The following PPP1R12B variants were observed in gnomAD, a reference collection of about 807,000 sequenced individuals.
PPP1R12B encodes myosin phosphatase target subunit 2.
PPP1R12B carries 76 observed loss-of-function variants against 126.1 expected under a neutral mutation model. That is an observed-to-expected ratio of 0.60 (90% CI 0.50 to 0.73). The LOEUF is 0.73. PPP1R12B is among the 30% of genes least tolerant of loss of function. The pLI is 0.00. For synonymous variants in PPP1R12B, 356 were observed against 434.7 expected (o/e 0.82, Z 2.25); for missense variants, 1,052 against 1,205.1 (o/e 0.87, Z 1.88).
rs1023047157 is a variant in PPP1R12B at position 202,586,999 on chromosome 1, A to G, written c.*6439A>G. 5.3e-5 allele frequency: 8 copies of G among 152,140 alleles called. No homozygotes were observed. Among genetic ancestry groups the G allele is most frequent in the Non-Finnish European group, 8.8e-5 (6 of 68,020 alleles). 9.4% of individuals were successfully genotyped at this position (152,140 alleles called of 1,614,324 possible). On this transcript the variant is annotated 3_prime_UTR_variant, in exon 24 of 24. Coordinates refer to ENST00000608999, the MANE Select transcript of PPP1R12B (RefSeq NM_002481.4). ...AAACCAATTTTATTTATTAAATCAT[A>G]TCTTTTGTTTTTCCCCCTCCCTTCT... is the stretch of plus-strand genomic sequence containing the variant.
At chr1:202,364,285 C>A (rs574932037) in intron 1 of PPP1R12B, among the ~76,000 whole-genome samples, 20 of 152,124 alleles carry the variant, frequency 1.3e-4, no homozygotes, top group African/African-American at 4.8e-4. Context: ...AGGATGATAC[C>A]TTATAGTTGT....
intron 10 of PPP1R12B, among the ~76,000 whole-genome samples, chr1:202,440,346 A>T (rs964433023): frequency 1.3e-5 from 2 of 152,204 alleles, no homozygotes; most frequent in African/African-American, 4.8e-5. Flanking sequence ...ACTATTGGGG[A>T]CTACATAAAT....
At chr1:202,366,492 T>C (rs1571611857) in intron 1 of PPP1R12B, among the ~76,000 whole-genome samples, 1 of 120,794 alleles carries the variant, frequency 8.3e-6, no homozygotes, top group South Asian at 2.6e-4. Flanking sequence ...CACTCCAGCC[T>C]GGGAGACAGA....
intron 1 of PPP1R12B, among the ~76,000 whole-genome samples, chr1:202,368,608 C>T (rs776158951): frequency 6.6e-6 from 1 of 151,976 alleles, no homozygotes; most frequent in Non-Finnish European, 1.5e-5. Context: ...CCCAGGCTAC[C>T]ACTGTTATAA....
At chr1:202,428,483 A>G (rs1669831544) in intron 5 of PPP1R12B, 1 of 181,820 alleles carries the variant, frequency 5.5e-6, no homozygotes, top group Non-Finnish European at 1.1e-5. Flanking sequence ...TTTATTAAAC[A>G]TGTGCCCTGA....
chr1:202,380,602 C>A (rs1024424459), intron 1 of PPP1R12B, among the ~76,000 whole-genome samples: 1 of 152,148 alleles, frequency 6.6e-6, no homozygotes, highest in Admixed American at 6.5e-5. Context: ...TCTCAACACC[C>A]CCCCCATTCC....
chr1:202,356,022 C>CA lies in PPP1R12B; in HGVS notation c.291+6889dup, dbSNP rs200226674. ...CTATCTCTCCAACCCCCTCCCCACC[C>CA]AAAAAAAAATTAGCCAGGTATGGTG... On this transcript the variant is annotated intron_variant, in intron 1 of 23. Coordinates refer to ENST00000608999, the MANE Select transcript of PPP1R12B (RefSeq NM_002481.4). Among the ~76,000 whole-genome samples, 36 of 150,252 alleles carry CA rather than the reference C, an allele frequency of 2.4e-4. No homozygotes were observed. The East Asian group carries it at 3.5e-3, about 15-fold the overall frequency.
chr1:202,467,189 T>C (rs1420257130), intron 13 of PPP1R12B, among the ~76,000 whole-genome samples: 2 of 152,038 alleles, frequency 1.3e-5, no homozygotes, highest in Non-Finnish European at 2.9e-5. Flanking sequence ...CAAGCAATGC[T>C]GTCCTCCCTT....
intron 1 of PPP1R12B, among the ~76,000 whole-genome samples, chr1:202,373,338 A>T (rs1225091530): frequency 6.6e-6 from 1 of 152,166 alleles, no homozygotes; most frequent in East Asian, 1.9e-4. Context: ...TCAGAGAAAA[A>T]TTTGAGAATT....
intron 1 of PPP1R12B, among the ~76,000 whole-genome samples, chr1:202,358,777 G>T: frequency 6.6e-6 from 1 of 152,012 alleles, no homozygotes; most frequent in East Asian, 1.9e-4. Context: ...TATAGTTATG[G>T]AATAGGTTTA....
At chr1:202,378,633 C>T (rs1423944387) in intron 1 of PPP1R12B, among the ~76,000 whole-genome samples, 13 of 152,182 alleles carry the variant, frequency 8.5e-5, no homozygotes, top group African/African-American at 2.9e-4. Flanking sequence ...GCATGTGCCA[C>T]CACGCCCGGC....
chr1:202,436,622 C>T (rs1397486332), intron 9 of PPP1R12B, among the ~76,000 whole-genome samples: 1 of 152,128 alleles, frequency 6.6e-6, no homozygotes, highest in East Asian at 1.9e-4. Context: ...CAAACTGGTC[C>T]TTGGCCTAAT....
rs900646908 is a variant in PPP1R12B, at chr1:202,588,410, T to C, written c.*7850T>C. ...ATTTTTATGCAATTTTGAGTGGCCT[T>C]TCAACCCTAAGATGAATGGTTTTGT... On this transcript the variant is annotated 3_prime_UTR_variant, in exon 24 of 24. Transcript: ENST00000608999. 3.9e-5 allele frequency: 6 copies of C among 152,678 alleles called. No individual in the cohort carries two copies. Among genetic ancestry groups the C allele is most frequent in the African/African-American group, 1.4e-4 (6 of 41,454 alleles). 9.5% of individuals were successfully genotyped at this position (152,678 alleles called of 1,614,324 possible).
At chr1:202,450,284 T>G (rs1441340188) in intron 13 of PPP1R12B, among the ~76,000 whole-genome samples, 2 of 152,230 alleles carry the variant, frequency 1.3e-5, no homozygotes, top group Non-Finnish European at 2.9e-5. Context: ...ATTCTGTAAT[T>G]TCTTTAGAGA....
intron 18 of PPP1R12B, among the ~76,000 whole-genome samples, chr1:202,522,646 A>G (rs1682894173): frequency 6.6e-6 from 1 of 152,198 alleles, no homozygotes; most frequent in South Asian, 2.1e-4. Flanking sequence ...AGCCAGAGAG[A>G]TAGTCAGATT....
intron 23 of PPP1R12B, among the ~76,000 whole-genome samples, chr1:202,571,311 C>T (rs1473519159): frequency 6.6e-6 from 1 of 152,106 alleles, no homozygotes; most frequent in Non-Finnish European, 1.5e-5. Flanking sequence ...TTATAAGATA[C>T]GAAAGTGTTT....
At chr1:202,374,804 A>G (rs2148464010) in intron 1 of PPP1R12B, among the ~76,000 whole-genome samples, 1 of 152,186 alleles carries the variant, frequency 6.6e-6, no homozygotes, top group Admixed American at 6.5e-5. Flanking sequence ...TCCGCCTCCC[A>G]AAGTGCTAGG....
intron 18 of PPP1R12B, among the ~76,000 whole-genome samples, chr1:202,548,808 C>CTCTCTATATATA (rs1218548068): frequency 2.6e-4 from 19 of 72,990 alleles, no homozygotes; most frequent in Admixed American, 8.5e-4. Flanking sequence ...CTCTCTCTCT[C>CTCTCTATATATA]TATATATATA....
chr1:202,454,412 T>A (rs1277054136), intron 13 of PPP1R12B, among the ~76,000 whole-genome samples: 3 of 152,252 alleles, frequency 2.0e-5, no homozygotes, highest in African/African-American at 7.2e-5. Context: ...GGATATGTTC[T>A]AGCATTCATT....
Sources: allele counts gnomAD v4.1 joint callset (sites outside exome capture counted in the v4.1 genomes callset), GRCh38; gene constraint gnomAD v4.1.1; transcripts MANE v1.5; gene names NCBI Gene and HGNC (gene_info 2026-07-23, HGNC 2026-07-21).